The following ATP2C2 variants were observed in gnomAD, a reference collection of about 807,000 sequenced individuals.
ATP2C2 encodes the protein calcium-transporting ATPase type 2C member 2.
Under a neutral mutation model 110.8 loss-of-function variants are expected in ATP2C2, and 171 were observed. That is an observed-to-expected ratio of 1.54 (90% CI 1.36 to 1.75). The LOEUF is 1.75. Among genes scored for constraint, ATP2C2 ranks in the 40% most tolerant of loss-of-function variants. ATP2C2 has a pLI of 0.00. For missense variants in ATP2C2, 1,963 were observed against 1,235.0 expected (o/e 1.59, Z -8.84); for synonymous variants, 804 against 508.4 (o/e 1.58, Z -7.82).
chr16:84,390,213 G>A (rs1283618547), intron 1 of ATP2C2, among the ~76,000 whole-genome samples: 1 of 152,236 alleles, frequency 6.6e-6, no homozygotes, highest in African/African-American at 2.4e-5. Flanking sequence ...GCAATGAACC[G>A]AATCCCGGGG....
At chr16:84,438,545 C>G (rs1274416451) in intron 11 of ATP2C2, among the ~76,000 whole-genome samples, 2 of 152,184 alleles carry the variant, frequency 1.3e-5, no homozygotes, top group East Asian at 1.9e-4. Context: ...ACGCTCTCCT[C>G]GAATCCAGCC....
intron 26 of ATP2C2, 69 bp downstream of exon 26, chr16:84,462,198 G>A: frequency 2.6e-6 from 4 of 1,563,486 alleles, no homozygotes; most frequent in Non-Finnish European, 1.7e-6. Context: ...CTGCCAGGTG[G>A]GGAGCTGCAG....
chr16:84,373,812 T>G (rs1474754965), intron 1 of ATP2C2, among the ~76,000 whole-genome samples: 1 of 152,230 alleles, frequency 6.6e-6, no homozygotes, highest in Non-Finnish European at 1.5e-5. Flanking sequence ...TGTTAGTGTT[T>G]TCATTCATCG....
At chr16:84,431,182 C>G (rs1443142932) in intron 11 of ATP2C2, among the ~76,000 whole-genome samples, 4 of 152,120 alleles carry the variant, frequency 2.6e-5, no homozygotes, top group African/African-American at 9.7e-5. Context: ...AAAGGAATAA[C>G]TGCCGAGAAA....
chr16:84,402,616 C>T (rs1185254694), intron 2 of ATP2C2, among the ~76,000 whole-genome samples: 1 of 152,102 alleles, frequency 6.6e-6, no homozygotes, highest in African/African-American at 2.4e-5. Flanking sequence ...GTATGGTGAA[C>T]CATCCTTGCA....
At chr16:84,379,692 G>T (rs1910463945) in intron 1 of ATP2C2, among the ~76,000 whole-genome samples, 1 of 152,188 alleles carries the variant, frequency 6.6e-6, no homozygotes, top group Non-Finnish European at 1.5e-5. Flanking sequence ...TAGCTTCTCT[G>T]CGTGTCTCAG....
At chr16:84,371,207 T>G (rs557556411) in intron 1 of ATP2C2, among the ~76,000 whole-genome samples, 7 of 152,254 alleles carry the variant, frequency 4.6e-5, no homozygotes, top group African/African-American at 1.7e-4. Flanking sequence ...GATTTCAGCA[T>G]TTCCAGGAAT....
At chr16:84,429,919 A>G (rs962877) in intron 11 of ATP2C2, among the ~76,000 whole-genome samples, 57,070 of 152,048 alleles carry the variant, frequency 0.38, 10,863 homozygotes, top group South Asian at 0.4. Context: ...AGAATCAGCC[A>G]AATGCTTCTC....
At chr16:84,431,255 T>C (rs1198002660) in intron 11 of ATP2C2, among the ~76,000 whole-genome samples, 1 of 151,832 alleles carries the variant, frequency 6.6e-6, no homozygotes, top group African/African-American at 2.4e-5. Context: ...TCACAGCACT[T>C]TGGGACTCTG....
At position 84,439,457 on chromosome 16, in the gene ATP2C2, C is replaced by A; in HGVS notation, c.1142C>A (p.Thr381Lys). ...TGCAGCGTTCTCTGTTCTGACAAGACGGGGACTCTGACTGCCAATGAAATG... is the reference window on the plus strand; with the variant it reads ...TGCAGCGTTCTCTGTTCTGACAAGAAGGGGACTCTGACTGCCAATGAAATG... ...GCCSVLCSDK[T>K]GTLTANEMTV... Residue 381 changes from threonine to lysine, a missense_variant, in exon 13 of 27, where the codon ACG (threonine) becomes AAG (lysine). Coordinates refer to ENST00000262429, the MANE Select transcript of ATP2C2 (RefSeq NM_014861.4). The A allele has an allele frequency of 6.2e-7, 1 of 1,614,116 alleles. No individual in the cohort carries two copies. The highest frequency in any genetic ancestry group is 8.5e-7 in the Non-Finnish European group (1 of 1,180,024).
chr16:84,448,383 A>G, intron 16 of ATP2C2, 150 bp from the exon 17 acceptor site: 1 of 979,862 alleles, frequency 1.0e-6, no homozygotes, highest in Non-Finnish European at 1.4e-6. Context: ...GAACCTGTCC[A>G]GCACCTGTGA....
At chr16:84,451,829 ACT>A (rs1324350887) in intron 17 of ATP2C2, 90 bp from the exon 18 acceptor site, 36 of 1,314,090 alleles carry the variant, frequency 2.7e-5, no homozygotes, top group African/African-American at 4.5e-5. Flanking sequence ...TAAGAACAAA[ACT>A]CTCTTAAAAA....
rs771489437 is a variant in ATP2C2 at position 84,463,688 on chromosome 16, T to C, written c.2797T>C (p.Cys933Arg). Reference sequence around the variant, plus strand: ...GCTCCTCAAACTATGTGAAAAATACTGTTGCAGCCCCAAGAGAGTCCAGAT... The same window carrying C: ...GCTCCTCAAACTATGTGAAAAATACCGTTGCAGCCCCAAGAGAGTCCAGAT... Reference protein sequence around the residue: ...SELLKLCEKYCCSPKRVQMHP... With the variant: ...SELLKLCEKYRCSPKRVQMHP... Residue 933 changes from cysteine to arginine, a missense_variant, in exon 27 of 27, where the codon TGT becomes CGT. Coordinates refer to ENST00000262429, the MANE Select transcript of ATP2C2 (RefSeq NM_014861.4). The C allele has an allele frequency of 2.5e-6, 4 of 1,614,214 alleles. No homozygotes were observed. In the Admixed American group the frequency reaches 5.0e-5, roughly 20 times the overall value.
In ATP2C2 at chr16:84,368,568, GC is replaced by G; in HGVS notation, c.-46del. The stretch of plus-strand genomic sequence containing the variant: ...GCTTGGGCGCGCGCAGCCATCCCGG[GC>G]CTCGCCGGGGACCTAGGGACGCAGG... On this transcript the variant is annotated 5_prime_UTR_variant, in exon 1 of 27. Coordinates refer to ENST00000262429, the MANE Select transcript of ATP2C2 (RefSeq NM_014861.4). 2.1e-6 allele frequency: 3 copies of G among 1,434,282 alleles called. No homozygotes were observed. Among genetic ancestry groups the G allele is most frequent in the Non-Finnish European group, 2.8e-6 (3 of 1,054,180 alleles). The allele number at this position is 1,434,282 out of a possible 1,614,324, so 88.8% of individuals were successfully genotyped here.
chr16:84,396,375 G>A (rs756199201), intron 1 of ATP2C2, among the ~76,000 whole-genome samples: 14 of 151,612 alleles, frequency 9.2e-5, no homozygotes, highest in South Asian at 2.1e-4. Flanking sequence ...GTGAAAACCC[G>A]TCTCTACTAA....
intron 21 of ATP2C2, among the ~76,000 whole-genome samples, chr16:84,456,295 A>G (rs917170448): frequency 3.3e-5 from 5 of 151,198 alleles, no homozygotes; most frequent in African/African-American, 1.2e-4. Flanking sequence ...GATTATTGTC[A>G]CAATTTCAGA....
At chr16:84,375,670 T>G (rs1303955729) in intron 1 of ATP2C2, among the ~76,000 whole-genome samples, 1 of 152,242 alleles carries the variant, frequency 6.6e-6, no homozygotes, top group East Asian at 1.9e-4. Context: ...GATGTATCAT[T>G]CAGTGGAAAC....
chr16:84,402,045 C>T (rs1326902756), intron 2 of ATP2C2, among the ~76,000 whole-genome samples: 1 of 152,116 alleles, frequency 6.6e-6, no homozygotes, highest in Non-Finnish European at 1.5e-5. Flanking sequence ...AGATCTTTTA[C>T]TTCTTTAAGT....
At chr16:84,445,036 A>C (rs1179475770) in intron 15 of ATP2C2, among the ~76,000 whole-genome samples, 1 of 152,124 alleles carries the variant, frequency 6.6e-6, no homozygotes, top group Non-Finnish European at 1.5e-5. Flanking sequence ...CTCTGTGGCC[A>C]GAAGTTGAAA....
Sources: allele counts gnomAD v4.1 joint callset (sites outside exome capture counted in the v4.1 genomes callset), GRCh38; gene constraint gnomAD v4.1.1; transcripts MANE v1.5; gene names NCBI Gene and HGNC (gene_info 2026-07-23, HGNC 2026-07-21).